Variants in SLC24A2 observed in about 807,000 individuals in gnomAD.
SLC24A2 encodes the protein sodium/potassium/calcium exchanger 2.
A neutral mutation model predicts 62.0 loss-of-function variants in SLC24A2; 36 were observed. The ratio of observed to expected loss-of-function variants is 0.58; its 90% CI spans 0.44 to 0.77. The LOEUF is 0.77. Among genes scored for constraint, SLC24A2 ranks in the 30% least tolerant of loss-of-function variants. The pLI is 0.00. For synonymous variants in SLC24A2, 358 were observed against 294.0 expected, an observed-to-expected ratio of 1.22 and a Z score of -2.23; for missense variants, 846 against 817.9, an observed-to-expected ratio of 1.03 and a Z score of -0.42.
intron 7 of SLC24A2, among the ~76,000 whole-genome samples, chr9:19,555,753 T>G (rs1353644132): frequency 6.6e-6 from 1 of 152,122 alleles, no homozygotes; most frequent in East Asian, 1.9e-4. Context: ...GAGACCAGCT[T>G]GGCCAACATG....
At chr9:19,587,066 T>C (rs938738424) in intron 5 of SLC24A2, among the ~76,000 whole-genome samples, 12 of 152,192 alleles carry the variant, frequency 7.9e-5, no homozygotes, top group Admixed American at 7.2e-4. Flanking sequence ...ATAAAAATTC[T>C]CTTCAGAGTT....
chr9:19,892,086 C>CT, the SLC24A2 span, among the ~76,000 whole-genome samples: 1 of 152,212 alleles, frequency 6.6e-6, no homozygotes, highest in African/African-American at 2.4e-5. Flanking sequence ...CATGGGCCTT[C>CT]TTTTTGTCCC....
intron 2 of SLC24A2, among the ~76,000 whole-genome samples, chr9:19,630,381 T>G (rs778163587): frequency 9.2e-5 from 14 of 152,158 alleles, no homozygotes; most frequent in Non-Finnish European, 2.1e-4. Context: ...TAATTTTTGA[T>G]AATATTAACA....
the SLC24A2 span, among the ~76,000 whole-genome samples, chr9:20,082,749 G>T: frequency 6.6e-6 from 1 of 152,232 alleles, no homozygotes; most frequent in African/African-American, 2.4e-5. Context: ...GAGAGGCAGA[G>T]ATTGTAGCTT....
chr9:19,760,298 C>G (rs111792220), intron 2 of SLC24A2, among the ~76,000 whole-genome samples: 4 of 152,170 alleles, frequency 2.6e-5, no homozygotes, highest in Middle Eastern at 3.2e-3. Flanking sequence ...TTCTCCCTCT[C>G]TTGAATTATC....
At chr9:19,589,748 T>C (rs1836495237) in intron 5 of SLC24A2, among the ~76,000 whole-genome samples, 2 of 152,176 alleles carry the variant, frequency 1.3e-5, no homozygotes, top group African/African-American at 2.4e-5. Context: ...GGAACCTACC[T>C]ACCATAGTCT....
chr9:20,304,790 G>C, the SLC24A2 span, among the ~76,000 whole-genome samples: 3 of 152,188 alleles, frequency 2.0e-5, no homozygotes, highest in Non-Finnish European at 4.4e-5. Context: ...AGAGAGAGAA[G>C]AAACAAGTAA....
chr9:19,888,466 C>T, the SLC24A2 span, among the ~76,000 whole-genome samples: 26 of 152,258 alleles, frequency 1.7e-4, no homozygotes, highest in African/African-American at 5.8e-4. Context: ...ATAAAACCCC[C>T]AACCTCATGT....
At chr9:19,723,744 G>A (rs753471443) in intron 2 of SLC24A2, among the ~76,000 whole-genome samples, 10 of 151,852 alleles carry the variant, frequency 6.6e-5, no homozygotes, top group Non-Finnish European at 1.0e-4. Flanking sequence ...ATTAATAATA[G>A]AAGTCCAGGG....
At chr9:19,544,992 C>G (rs200025877) in intron 8 of SLC24A2, among the ~76,000 whole-genome samples, 29 of 152,232 alleles carry the variant, frequency 1.9e-4, no homozygotes, top group African/African-American at 7.0e-4. Context: ...GGTTGGGGAA[C>G]TTCTCCTGGA....
intron 2 of SLC24A2, among the ~76,000 whole-genome samples, chr9:19,767,071 C>T (rs1822538788): frequency 6.6e-6 from 1 of 152,190 alleles, no homozygotes; most frequent in Non-Finnish European, 1.5e-5. Flanking sequence ...GTTAGAACTT[C>T]CCAGTGACTT....
At chr9:19,949,065 C>T in the SLC24A2 span, among the ~76,000 whole-genome samples, 1,415 of 151,930 alleles carry the variant, frequency 9.3e-3, 10 homozygotes, top group Non-Finnish European at 0.015. Context: ...GCCATCTCAG[C>T]TCACTGCAAC....
chr9:20,227,368 C>A, the SLC24A2 span, among the ~76,000 whole-genome samples: 1 of 152,072 alleles, frequency 6.6e-6, no homozygotes, highest in Non-Finnish European at 1.5e-5. Context: ...GTGGTCCACA[C>A]TTACTTGCAT....
intron 2 of SLC24A2, among the ~76,000 whole-genome samples, chr9:19,649,605 G>C (rs934748815): frequency 6.6e-6 from 1 of 152,118 alleles, no homozygotes; most frequent in Non-Finnish European, 1.5e-5. Flanking sequence ...CTGGATCAAA[G>C]GCTTCCTCAA....
the SLC24A2 span, among the ~76,000 whole-genome samples, chr9:19,918,393 CAAAAAA>C: frequency 7.3e-6 from 1 of 137,640 alleles, no homozygotes; most frequent in Admixed American, 7.2e-5. Flanking sequence ...CTGCCTTTAT[CAAAAAA>C]AAAAAAAAAG....
At chr9:19,566,538 G>A (rs1456634022) in intron 7 of SLC24A2, among the ~76,000 whole-genome samples, 1 of 151,942 alleles carries the variant, frequency 6.6e-6, no homozygotes, top group African/African-American at 2.4e-5. Flanking sequence ...TTCAACCATT[G>A]TGGAAGACAG....
chr9:20,235,601 G>C, the SLC24A2 span, among the ~76,000 whole-genome samples: 1 of 152,336 alleles, frequency 6.6e-6, no homozygotes, highest in Non-Finnish European at 1.5e-5. Context: ...TGGGGTGGGA[G>C]TGACCCAATT....
Position 19,555,252 on chromosome 9 carries a change from T to G in SLC24A2, c.1348-4984A>C, listed in dbSNP as rs550015569. ...CAAGTTTATCCTAACTGATCTAGTG[T>G]TCTCTTTATGAGGACTCAAGGGAGA... On this transcript the variant is annotated intron_variant, in intron 7 of 10. Transcript: ENST00000341998. Among the ~76,000 whole-genome samples, 5 of 152,356 alleles carry G rather than the reference T, an allele frequency of 3.3e-5. No individual in the cohort carries two copies. The South Asian group carries it at 1.0e-3, about 32-fold the overall frequency.
At chr9:19,968,568 C>T in the SLC24A2 span, among the ~76,000 whole-genome samples, 2 of 152,114 alleles carry the variant, frequency 1.3e-5, no homozygotes, top group East Asian at 1.9e-4. Context: ...ATATTGACCT[C>T]AAGACCAATT....
Sources: gnomAD v4.1 joint callset for allele counts (sites outside exome capture counted in the v4.1 genomes callset) on GRCh38, gnomAD v4.1.1 for gene constraint, MANE v1.5 for transcripts, NCBI Gene and HGNC (gene_info 2026-07-23, HGNC 2026-07-21) for gene names.